TMTC2: variants seen among roughly 807,000 people sequenced by gnomAD.
TMTC2 encodes the protein transmembrane O-mannosyltransferase targeting cadherins 2.
TMTC2 carries 43 observed loss-of-function variants against 82.4 expected under a neutral mutation model. The ratio of observed to expected loss-of-function variants is 0.52; its 90% CI spans 0.41 to 0.67. The LOEUF is 0.67. Among genes scored for constraint, TMTC2 ranks in the 30% least tolerant of loss-of-function variants. The pLI is 0.00. For missense variants in TMTC2, 919 were observed against 1,012.4 expected (o/e 0.91, Z 1.25); for synonymous variants, 408 against 381.9 (o/e 1.07, Z -0.80).
chr12:82,690,375 A>G, intron 1 of TMTC2: 15 of 985,458 alleles, frequency 1.5e-5, no homozygotes, highest in Non-Finnish European at 1.8e-5. Flanking sequence ...GAAGCACTCA[A>G]GGGAGATGGC....
intron 11 of TMTC2, among the ~76,000 whole-genome samples, chr12:83,064,750 C>A (rs148891088): frequency 6.6e-5 from 10 of 151,974 alleles, no homozygotes; most frequent in African/African-American, 2.4e-4. Context: ...TAAACAATAA[C>A]CGTGTAATGA....
chr12:82,807,009 G>A (rs1879276325), intron 1 of TMTC2, among the ~76,000 whole-genome samples: 1 of 152,070 alleles, frequency 6.6e-6, no homozygotes, highest in Non-Finnish European at 1.5e-5. Flanking sequence ...AGTTCAAAAC[G>A]AGCTCCTAAC....
chr12:82,823,388 G>A (rs1428543995), intron 1 of TMTC2, among the ~76,000 whole-genome samples: 1 of 152,126 alleles, frequency 6.6e-6, no homozygotes, highest in African/African-American at 2.4e-5. Flanking sequence ...ACTGTTAGCT[G>A]TATGTTTAAA....
At chr12:82,933,681 G>A (rs533963101) in intron 4 of TMTC2, among the ~76,000 whole-genome samples, 2 of 152,144 alleles carry the variant, frequency 1.3e-5, no homozygotes, top group Non-Finnish European at 2.9e-5. Flanking sequence ...AATTGGCGTG[G>A]AATACCTACA....
At chr12:82,736,642 C>A (rs1056187140) in intron 1 of TMTC2, among the ~76,000 whole-genome samples, 1 of 152,172 alleles carries the variant, frequency 6.6e-6, no homozygotes, top group African/African-American at 2.4e-5. Context: ...CTAAAATTTT[C>A]TATGGTCTGG....
chr12:82,945,139 C>T (rs370575948), intron 4 of TMTC2, among the ~76,000 whole-genome samples: 1 of 152,282 alleles, frequency 6.6e-6, no homozygotes, highest in South Asian at 2.1e-4. Flanking sequence ...TTGCACTCCC[C>T]ACTCTACCCC....
Position 82,965,128 on chromosome 12 carries a change from T to A in TMTC2, c.1684+19T>A. 6.5e-7 allele frequency: 1 copy of A among 1,528,360 alleles called. No homozygotes were observed. Among genetic ancestry groups the A allele is most frequent in the East Asian group, 2.3e-5 (1 of 44,342 alleles). The allele number at this position is 1,528,360 out of a possible 1,614,324, so 94.7% of individuals were successfully genotyped here. On this transcript the variant is annotated intron_variant, in intron 5 of 11. Transcript: ENST00000321196. ...CTGGCTTGTAAGTAATACTCAAGTG[T>A]TTATTTTTTTATACCTCTTTCCATA... is the stretch of plus-strand genomic sequence containing the variant.
intron 4 of TMTC2, among the ~76,000 whole-genome samples, chr12:82,954,653 A>G (rs1013108929): frequency 3.9e-5 from 6 of 152,202 alleles, no homozygotes; most frequent in African/African-American, 1.4e-4. Flanking sequence ...ACTCTTGAAA[A>G]GCATACTTTC....
At chr12:83,008,587 C>A (rs960267460) in intron 8 of TMTC2, among the ~76,000 whole-genome samples, 1 of 152,288 alleles carries the variant, frequency 6.6e-6, no homozygotes, top group Middle Eastern at 3.4e-3. Context: ...ATTGTAAGTT[C>A]TCTGTCAATT....
At chr12:82,894,963 CA>C (rs1873584207) in intron 2 of TMTC2, among the ~76,000 whole-genome samples, 1 of 139,174 alleles carries the variant, frequency 7.2e-6, no homozygotes, top group Non-Finnish European at 1.5e-5. Context: ...CCATGCCTGG[CA>C]ATTTTTTTTT....
chr12:82,820,459 C>T (rs569728366), intron 1 of TMTC2, among the ~76,000 whole-genome samples: 7 of 151,802 alleles, frequency 4.6e-5, no homozygotes, highest in Non-Finnish European at 8.8e-5. Context: ...GCAACGTCCT[C>T]CACCTCCTGG....
intron 1 of TMTC2, among the ~76,000 whole-genome samples, chr12:82,762,636 A>G (rs1336079155): frequency 6.6e-6 from 1 of 152,210 alleles, no homozygotes; most frequent in East Asian, 1.9e-4. Context: ...CGGTACCAGT[A>G]ATTTATAAAA....
chr12:83,084,582 C>T (rs991819697), intron 11 of TMTC2, among the ~76,000 whole-genome samples: 3 of 152,088 alleles, frequency 2.0e-5, no homozygotes, highest in Non-Finnish European at 2.9e-5. Context: ...TTTTAGGATA[C>T]GAATAATGAG....
At chr12:82,838,320 C>T (rs569784133) in intron 1 of TMTC2, among the ~76,000 whole-genome samples, 14 of 152,192 alleles carry the variant, frequency 9.2e-5, no homozygotes, top group Non-Finnish European at 1.9e-4. Flanking sequence ...GCACCATAAT[C>T]AATGTAAAAA....
chr12:82,841,509 T>G (rs1592565466), intron 1 of TMTC2, among the ~76,000 whole-genome samples: 1 of 152,216 alleles, frequency 6.6e-6, no homozygotes. Context: ...GTTTTCCTCC[T>G]TGCCTATCTG....
intron 1 of TMTC2, among the ~76,000 whole-genome samples, chr12:82,703,498 CTTTTTT>C (rs539968079): frequency 1.6e-5 from 2 of 121,664 alleles, no homozygotes; most frequent in African/African-American, 3.2e-5. Context: ...TAGTTTCTTT[CTTTTTT>C]TTTTTTTTTT....
chr12:83,073,832 G>GT (rs1883195494), intron 11 of TMTC2, among the ~76,000 whole-genome samples: 1 of 151,924 alleles, frequency 6.6e-6, no homozygotes, highest in African/African-American at 2.4e-5. Context: ...GTTTTTGATT[G>GT]TTTTTTCTTT....
intron 11 of TMTC2, among the ~76,000 whole-genome samples, chr12:83,069,318 G>T (rs143731028): frequency 0.066 from 9,997 of 152,216 alleles, 1,078 homozygotes; most frequent in African/African-American, 0.23. Flanking sequence ...CACCAGCAGT[G>T]TAGAAATGTT....
At chr12:82,962,938 C>T (rs1008463928) in intron 4 of TMTC2, among the ~76,000 whole-genome samples, 1 of 151,868 alleles carries the variant, frequency 6.6e-6, no homozygotes, top group African/African-American at 2.4e-5. Flanking sequence ...AGACTGGTCT[C>T]CCAGGAGCCC....
Sources: allele counts gnomAD v4.1 joint callset (sites outside exome capture counted in the v4.1 genomes callset), GRCh38; gene constraint gnomAD v4.1.1; transcripts MANE v1.5; gene names NCBI Gene and HGNC (gene_info 2026-07-23, HGNC 2026-07-21).